Variants in P4HB observed in about 807,000 individuals in gnomAD.
P4HB encodes protein disulfide-isomerase.
P4HB carries 20 observed loss-of-function variants against 52.6 expected under a neutral mutation model. The observed-to-expected ratio is 0.38, with a 90% CI of 0.27 to 0.55. The LOEUF (loss-of-function observed/expected upper bound fraction) is 0.55, where lower values mean the gene tolerates loss of function less well. Among genes scored for constraint, P4HB ranks in the 20% least tolerant of loss-of-function variants. P4HB has a pLI of 0.74. For synonymous variants in P4HB, 296 were observed against 277.9 expected (o/e 1.07, Z -0.65); for missense variants, 601 against 669.2 (o/e 0.90, Z 1.12).
intron 4 of P4HB, among the ~76,000 whole-genome samples, chr17:81,852,520 C>T (rs573701292): frequency 5.9e-5 from 9 of 152,380 alleles, no homozygotes; most frequent in Non-Finnish European, 8.8e-5. Context: ...CCACGTGCAC[C>T]GGACAGGGGG....
chr17:81,843,671 AGAG>A lies in P4HB; in HGVS notation c.*338_*340del. ...AATCCCACAGACGGAATTTTCAAAA[AGAG>A]GAGAAACCTCCCGCGGGAGGGAGGC... On this transcript the variant is annotated 3_prime_UTR_variant, in exon 11 of 11. Coordinates refer to ENST00000331483, the MANE Select transcript of P4HB (RefSeq NM_000918.4). 1 of 440,904 alleles carries A rather than the reference AGAG, an allele frequency of 2.3e-6. No homozygotes were observed. Among genetic ancestry groups the A allele is most frequent in the Non-Finnish European group, 4.0e-6 (1 of 250,212 alleles). The allele number at this position is 440,904 out of a possible 1,614,324, so 27.3% of individuals were successfully genotyped here.
rs749976066 is a variant in P4HB at position 81,855,437 on chromosome 17, A to T, written c.486+16T>A. ...GATGACGGAAGGAAGGAAGACTGGA[A>T]TGCTCTGGTCTCTACCTTGAAGAAG... On this transcript the variant is annotated intron_variant, in intron 3 of 10. Transcript: ENST00000331483. The surrounding 1 kb of genome is among the most constrained non-coding windows in gnomAD (Gnocchi z 4.3). The T allele has an allele frequency of 3.7e-6, 6 of 1,604,180 alleles. No individual in the cohort carries two copies. The highest frequency in any genetic ancestry group is 5.1e-6 in the Non-Finnish European group (6 of 1,173,150).
chr17:81,849,083 G>A (rs1481510540), intron 4 of P4HB, among the ~76,000 whole-genome samples: 2 of 151,644 alleles, frequency 1.3e-5, no homozygotes, highest in Admixed American at 1.3e-4. Flanking sequence ...AAAATCAGTT[G>A]GGTATGGTGG....
At chr17:81,847,643 T>C (rs2143323865) in intron 4 of P4HB, 1 of 458,772 alleles carries the variant, frequency 2.2e-6, no homozygotes, top group Non-Finnish European at 4.0e-6. Flanking sequence ...CCAGGGCCCC[T>C]AGCCTTTTCA....
chr17:81,853,048 T>C (rs1171698361), intron 4 of P4HB, among the ~76,000 whole-genome samples: 1 of 152,226 alleles, frequency 6.6e-6, no homozygotes, highest in African/African-American at 2.4e-5. Flanking sequence ...GCAATGGCAA[T>C]AGACTAATTT....
intron 2 of P4HB, among the ~76,000 whole-genome samples, chr17:81,856,462 C>T (rs1218886705): frequency 3.3e-5 from 5 of 151,584 alleles, no homozygotes; most frequent in Non-Finnish European, 5.9e-5. Context: ...CTGACCCTCC[C>T]GCGTAGCTAG....
Position 81,860,414 on chromosome 17 carries a change from G to C in P4HB, c.58C>G (p.Pro20Ala), listed in dbSNP as rs748716508. ...AVAALVRADA[P>A]EEEDHVLVLR... The stretch of plus-strand genomic sequence containing the variant: ...ACCAGGACGTGGTCCTCCTCCTCGG[G>C]GGCGTCGGCGCGCACCAGGGCGGCC... The change falls in exon 1 of 11, where the codon CCC (proline) becomes GCC (alanine). Residue 20 changes from proline (P) to alanine (A), a missense_variant. Pro to Ala is a conservative substitution (Grantham distance 27). Transcript: ENST00000331483. The C allele has an allele frequency of 7.0e-7, 1 of 1,435,694 alleles. No individual in the cohort carries two copies. The highest frequency in any genetic ancestry group is 1.5e-5 in the African/African-American group (1 of 67,218). The allele number at this position is 1,435,694 out of a possible 1,614,324, so 88.9% of individuals were successfully genotyped here. A position where few individuals can be genotyped will look rare whatever the true frequency, so the allele number is the denominator to read the frequency against.
chr17:81,851,478 G>C (rs564278220), intron 4 of P4HB, among the ~76,000 whole-genome samples: 1 of 152,230 alleles, frequency 6.6e-6, no homozygotes, highest in Non-Finnish European at 1.5e-5. Flanking sequence ...CTCTTCCCCA[G>C]AGGGGCAAAG....
Position 81,860,447 on chromosome 17 carries a change from G to A in P4HB, c.25C>T (p.Leu9=). Residue 9 remains leucine (L), a synonymous_variant, in exon 1 of 11, where the codon CTG becomes TTG. Transcript: ENST00000331483. MLRRALLC[L]AVAALVRADA... ...GCGCGCACCAGGGCGGCCACGGCCA[G>A]GCACAGCAGAGCGCGGCGCAGCATG... is the stretch of plus-strand genomic sequence containing the variant. 2 of 1,379,556 alleles carry A rather than the reference G, an allele frequency of 1.4e-6. No individual in the cohort carries two copies. The highest frequency in any genetic ancestry group is 1.6e-5 in the South Asian group (1 of 61,296). The allele number at this position is 1,379,556 out of a possible 1,614,324, so 85.5% of individuals were successfully genotyped here. A position where few individuals can be genotyped will look rare whatever the true frequency, so the allele number is the denominator to read the frequency against.
rs2143307760 is a variant in P4HB, at chr17:81,843,655, G to A, written c.*357C>T. The A allele has an allele frequency of 4.4e-6, 2 of 457,536 alleles. No homozygotes were observed. The highest frequency in any genetic ancestry group is 7.7e-6 in the Non-Finnish European group (2 of 260,056). The allele number at this position is 457,536 out of a possible 1,614,324, so 28.3% of individuals were successfully genotyped here. On this transcript the variant is annotated 3_prime_UTR_variant, in exon 11 of 11. Coordinates refer to ENST00000331483, the MANE Select transcript of P4HB (RefSeq NM_000918.4). ...TCGAAAAATGTCTAAAAATCCCACA[G>A]ACGGAATTTTCAAAAAGAGGAGAAA...
chr17:81,847,394 C>T (rs2038754098), intron 4 of P4HB, 47 bp from the exon 5 acceptor site: 9 of 1,513,450 alleles, frequency 5.9e-6, no homozygotes, highest in South Asian at 1.1e-5. Flanking sequence ...GCTGGGAGCA[C>T]AGCCCCTGGG....
chr17:81,853,924 A>G (rs2038873977), intron 4 of P4HB, among the ~76,000 whole-genome samples: 1 of 152,234 alleles, frequency 6.6e-6, no homozygotes, highest in Admixed American at 6.5e-5. Flanking sequence ...CCGAGAAAAG[A>G]GACAATAGAA....
At chr17:81,854,640 A>G (rs981885635) in intron 4 of P4HB, among the ~76,000 whole-genome samples, 5 of 151,900 alleles carry the variant, frequency 3.3e-5, no homozygotes, top group Admixed American at 2.6e-4. Flanking sequence ...AGGTCAAGAG[A>G]TTGATACCAT....
At position 81,855,566 on chromosome 17, in the gene P4HB, T is replaced by C. The variant is rs1301040904; in HGVS notation, c.373A>G (p.Ile125Val). The C allele has an allele frequency of 3.1e-6, 5 of 1,613,902 alleles. No individual in the cohort carries two copies. In the South Asian group the frequency reaches 4.4e-5, roughly 14 times the overall value. Residue 125 changes from isoleucine to valine, a missense_variant, in exon 3 of 11, where the codon ATC becomes GTC. Coordinates refer to ENST00000331483, the MANE Select transcript of P4HB (RefSeq NM_000918.4). The surrounding 1 kb of genome is among the most constrained non-coding windows in gnomAD (Gnocchi z 4.3). ...GTGCGCTTCTTCAGCCAGTTCACGATGTCATCAGCCTCTCTGCCAGCTAAC... is the reference window on the plus strand; with the variant it reads ...GTGCGCTTCTTCAGCCAGTTCACGACGTCATCAGCCTCTCTGCCAGCTAAC... Reference protein sequence around the residue: ...EYTAGREADDIVNWLKKRTGP... With the variant: ...EYTAGREADDVVNWLKKRTGP...
Position 81,846,266 on chromosome 17 carries a change from C to T in P4HB, c.1056+163G>A. ...TGGACAAGAGGGCTCCTACAGGTCC[C>T]CAAAGGTGTGACAAGAATGGTGGTC... On this transcript the variant is annotated intron_variant, in intron 7 of 10. Coordinates refer to ENST00000331483, the MANE Select transcript of P4HB (RefSeq NM_000918.4). This position sits in a 1 kb window ranked among gnomAD's most constrained non-coding sequence, Gnocchi z 5.7. 1 of 739,506 alleles carries T rather than the reference C, an allele frequency of 1.4e-6. No homozygotes were observed. The highest frequency in any genetic ancestry group is 2.2e-6 in the Non-Finnish European group (1 of 452,164). 45.8% of individuals were successfully genotyped at this position (739,506 alleles called of 1,614,324 possible).
rs1233061011 is a variant in P4HB at position 81,847,292 on chromosome 17, T to C, written c.680A>G (p.Asp227Gly). The change falls in exon 5 of 11, where the codon GAC becomes GGC. Residue 227 changes from aspartate (D) to glycine (G), a missense_variant. Asp to Gly is a moderately conservative substitution (Grantham distance 94). Coordinates refer to ENST00000331483, the MANE Select transcript of P4HB (RefSeq NM_000918.4). ...EGEVTKENLL[D>G]FIKHNQLPLV... is the part of the protein sequence containing the mutation. ...GGGCAGCTGGTTGTGTTTGATAAAG[T>C]CCAGCAGGTTCTCCTTGGTGACCTC... 1 of 1,614,140 alleles carries C rather than the reference T, an allele frequency of 6.2e-7. No homozygotes were observed. Among genetic ancestry groups the C allele is most frequent in the Non-Finnish European group, 8.5e-7 (1 of 1,180,022 alleles).
chr17:81,845,723 G>A lies in P4HB; in HGVS notation c.1197C>T (p.His399=). 2 of 1,613,668 alleles carry A rather than the reference G, an allele frequency of 1.2e-6. No individual in the cohort carries two copies. The highest frequency in any genetic ancestry group is 2.2e-5 in the South Asian group (2 of 91,066). ...FVEFYAPWCG[H]CKQLAPIWDK... Reference sequence around the variant, plus strand: ...CCCAAATGGGAGCCAACTGTTTGCAGTGACCACACCATGGGGCATCTGAAA... The same window carrying A: ...CCCAAATGGGAGCCAACTGTTTGCAATGACCACACCATGGGGCATCTGAAA... The change falls in exon 9 of 11, where the codon CAC becomes CAT. Residue 399 remains histidine, a synonymous_variant. Transcript: ENST00000331483.
intron 1 of P4HB, chr17:81,859,685 G>A (rs557201636): frequency 6.8e-6 from 3 of 438,608 alleles, no homozygotes; most frequent in African/African-American, 2.0e-5. Flanking sequence ...ATTCCCCACA[G>A]GCAACTAAGG....
intron 4 of P4HB, among the ~76,000 whole-genome samples, chr17:81,852,130 G>A (rs2038841740): frequency 6.6e-6 from 1 of 152,212 alleles, no homozygotes; most frequent in Non-Finnish European, 1.5e-5. Flanking sequence ...CTGCAGTGAA[G>A]TGTGATTGTG....
Sources: allele counts gnomAD v4.1 joint callset (sites outside exome capture counted in the v4.1 genomes callset), GRCh38; gene constraint gnomAD v4.1.1; non-coding constraint Gnocchi (gnomAD v3.1); transcripts MANE v1.5; gene names NCBI Gene and HGNC (gene_info 2026-07-23, HGNC 2026-07-21).